Variants in ERGIC1 observed in about 807,000 individuals in gnomAD.
The protein encoded by ERGIC1 is endoplasmic reticulum-golgi intermediate compartment 1, also known as endoplasmic reticulum-Golgi intermediate compartment protein 1.
A neutral mutation model predicts 38.3 loss-of-function variants in ERGIC1; 19 were observed. The observed-to-expected ratio is 0.50, with a 90% CI of 0.35 to 0.73. The LOEUF is 0.73. ERGIC1 is among the 30% of genes least tolerant of loss of function. The pLI is 0.01. For synonymous variants in ERGIC1, 124 were observed against 157.6 expected (o/e 0.79, Z 1.60); for missense variants, 294 against 389.2 (o/e 0.76, Z 2.06).
intron 5 of ERGIC1, chr5:172,920,615 G>A (rs2113439550): frequency 1.7e-6 from 1 of 596,778 alleles, no homozygotes. Context: ...GCTGGCATGA[G>A]TCAGCCACCT....
At chr5:172,888,822 C>G in intron 2 of ERGIC1, 62 bp downstream of exon 2, 1 of 1,405,378 alleles carries the variant, frequency 7.1e-7, no homozygotes, top group East Asian at 2.3e-5. Context: ...CCTGCTCTCT[C>G]TGTGCAGATC....
intron 1 of ERGIC1, among the ~76,000 whole-genome samples, chr5:172,886,035 G>A (rs564020682): frequency 1.3e-5 from 2 of 152,078 alleles, no homozygotes; most frequent in Admixed American, 6.5e-5. Flanking sequence ...ATGGCCGCCT[G>A]CTGGTTTGTT....
chr5:172,909,893 A>G (rs772676613), intron 4 of ERGIC1, 132 bp downstream of exon 4: 2 of 802,682 alleles, frequency 2.5e-6, no homozygotes, highest in Non-Finnish European at 4.2e-6. Context: ...TTGGAGGAGA[A>G]TATAATTGCG....
At chr5:172,885,571 A>G (rs73325150) in intron 1 of ERGIC1, among the ~76,000 whole-genome samples, 3,051 of 152,106 alleles carry the variant, frequency 0.02, 94 homozygotes, top group African/African-American at 0.07. Flanking sequence ...TCTGCATGGG[A>G]ACTTTTAGAT....
intron 1 of ERGIC1, among the ~76,000 whole-genome samples, chr5:172,845,985 C>G (rs1357826376): frequency 6.6e-6 from 1 of 152,108 alleles, no homozygotes; most frequent in Non-Finnish European, 1.5e-5. Flanking sequence ...GGAAGACAGG[C>G]CAGGCATCCT....
intron 1 of ERGIC1, among the ~76,000 whole-genome samples, chr5:172,878,115 A>G (rs1762192003): frequency 6.6e-6 from 1 of 152,234 alleles, no homozygotes; most frequent in South Asian, 2.1e-4. Context: ...AGAAAGGGTT[A>G]TCACGGATGG....
rs764489783 is a variant in ERGIC1, at chr5:172,870,431, A to G, written c.21-18268A>G. ...CAGTAGGCATTTTTCTACTCCAGAC[A>G]AGTATACTTCTGTCCCACATGTAAG... On this transcript the variant is annotated intron_variant, in intron 1 of 9. Coordinates refer to ENST00000393784, the MANE Select transcript of ERGIC1 (RefSeq NM_001031711.3). Among the ~76,000 whole-genome samples the G allele has an allele frequency of 4.6e-4, 70 of 152,062 alleles. 1 individual carries two copies. The highest frequency in any genetic ancestry group is 1.6e-3 in the African/African-American group (68 of 41,398).
chr5:172,931,730 T>C (rs1763778718), intron 7 of ERGIC1, among the ~76,000 whole-genome samples: 1 of 152,208 alleles, frequency 6.6e-6, no homozygotes. Flanking sequence ...TCTTTCCAGA[T>C]AATTCTCCTA....
At position 172,932,421 on chromosome 5, in the gene ERGIC1, G is replaced by C. The variant is rs1043958718; in HGVS notation, c.542-15G>C. The C allele has an allele frequency of 2.5e-6, 4 of 1,613,758 alleles. No homozygotes were observed. The highest frequency in any genetic ancestry group is 1.7e-4 in the Middle Eastern group (1 of 6,060). On this transcript the variant is annotated splice_polypyrimidine_tract_variant and intron_variant, in intron 7 of 9. Coordinates refer to ENST00000393784, the MANE Select transcript of ERGIC1 (RefSeq NM_001031711.3). ...GCCCGTCCCCCTGCTTCATTCTGCT[G>C]TGTCCTTCCCGCAGCCCTGGCCTCC...
chr5:172,946,833 C>T (rs1402913053), intron 9 of ERGIC1, among the ~76,000 whole-genome samples: 1 of 151,442 alleles, frequency 6.6e-6, no homozygotes, highest in Non-Finnish European at 1.5e-5. Context: ...ATAATGAAAG[C>T]AGGGCCGTGG....
chr5:172,915,488 A>T (rs762191703), intron 5 of ERGIC1: 2 of 448,522 alleles, frequency 4.5e-6, no homozygotes, highest in East Asian at 1.4e-4. Flanking sequence ...CAGAAGGACC[A>T]TTCAAGGTTC....
At chr5:172,930,274 CTG>C (rs1426355063) in intron 7 of ERGIC1, among the ~76,000 whole-genome samples, 3 of 151,344 alleles carry the variant, frequency 2.0e-5, no homozygotes, top group Non-Finnish European at 4.4e-5. Flanking sequence ...ATATGTGAGA[CTG>C]TGAACCATAG....
chr5:172,865,698 A>G (rs1466683111), intron 1 of ERGIC1, among the ~76,000 whole-genome samples: 1 of 152,138 alleles, frequency 6.6e-6, no homozygotes, highest in Non-Finnish European at 1.5e-5. Context: ...TTCAGGTCAC[A>G]CACGTGGAAT....
chr5:172,907,762 G>A (rs964489633), intron 3 of ERGIC1, among the ~76,000 whole-genome samples: 3 of 152,154 alleles, frequency 2.0e-5, no homozygotes, highest in Admixed American at 2.0e-4. Flanking sequence ...CAGTGGCCCT[G>A]TAGTCCCTGT....
At chr5:172,859,164 A>G (rs1308648519) in intron 1 of ERGIC1, among the ~76,000 whole-genome samples, 1 of 152,042 alleles carries the variant, frequency 6.6e-6, no homozygotes, top group Non-Finnish European at 1.5e-5. Flanking sequence ...TGTGCATGCC[A>G]GTCCCCTTAC....
chr5:172,886,422 C>G (rs1336217558), intron 1 of ERGIC1, among the ~76,000 whole-genome samples: 1 of 152,066 alleles, frequency 6.6e-6, no homozygotes, highest in East Asian at 1.9e-4. Context: ...AGTCAGGTAC[C>G]CCCTCCTGAG....
intron 4 of ERGIC1, among the ~76,000 whole-genome samples, chr5:172,910,046 T>A (rs954408447): frequency 6.6e-6 from 1 of 151,874 alleles, no homozygotes; most frequent in Non-Finnish European, 1.5e-5. Context: ...AGCCTGAGAG[T>A]CTCATGCAAG....
At chr5:172,839,444 GTC>G (rs1261344445) in intron 1 of ERGIC1, among the ~76,000 whole-genome samples, 3 of 150,562 alleles carry the variant, frequency 2.0e-5, no homozygotes, top group African/African-American at 7.3e-5. Context: ...TGCGTCTGTG[GTC>G]CCAGCTTCTT....
At chr5:172,856,824 A>C (rs1031299951) in intron 1 of ERGIC1, among the ~76,000 whole-genome samples, 4 of 152,196 alleles carry the variant, frequency 2.6e-5, no homozygotes, top group Non-Finnish European at 4.4e-5. Context: ...AATGGATTGT[A>C]GCCTTGCCCT....
Sources: allele counts gnomAD v4.1 joint callset (sites outside exome capture counted in the v4.1 genomes callset), GRCh38; gene constraint gnomAD v4.1.1; transcripts MANE v1.5; gene names NCBI Gene and HGNC (gene_info 2026-07-23, HGNC 2026-07-21).